Variants in NFIB observed in about 807,000 individuals in gnomAD.
NFIB encodes nuclear factor I B.
In NFIB, 11 loss-of-function variants were observed where a neutral mutation model predicts 61.5. The ratio of observed to expected loss-of-function variants is 0.18; its 90% CI spans 0.11 to 0.30. The LOEUF is 0.30. Ranked by LOEUF, NFIB falls within the 10% of genes least tolerant of loss-of-function variation. NFIB has a pLI of 1.00. For missense variants in NFIB, 471 were observed against 608.9 expected, an observed-to-expected ratio of 0.77 and a Z score of 2.38; for synonymous variants, 260 against 216.5, an observed-to-expected ratio of 1.20 and a Z score of -1.76.
intron 3 of NFIB, among the ~76,000 whole-genome samples, chr9:14,173,147 C>T (rs1324713161): frequency 1.3e-5 from 2 of 152,220 alleles, no homozygotes; most frequent in East Asian, 3.8e-4. Context: ...AAACCCCTCA[C>T]TTTTATCAAG....
intron 2 of NFIB, among the ~76,000 whole-genome samples, chr9:14,261,145 C>A (rs2056714087): frequency 6.6e-6 from 1 of 152,064 alleles, no homozygotes; most frequent in Non-Finnish European, 1.5e-5. Context: ...AGTGAAACCC[C>A]GTCTCTACTA....
intron 3 of NFIB, among the ~76,000 whole-genome samples, chr9:14,161,928 A>G (rs10810099): frequency 0.57 from 86,113 of 152,012 alleles, 27,975 homozygotes; most frequent in Non-Finnish European, 0.73. Flanking sequence ...CCATCTCACA[A>G]TCCTGCTGCC....
intron 1 of NFIB, among the ~76,000 whole-genome samples, chr9:14,340,908 C>A (rs2060941733): frequency 1.3e-5 from 2 of 150,758 alleles, no homozygotes; most frequent in African/African-American, 4.9e-5. Flanking sequence ...GAGGACTGAC[C>A]AGTGTCGGGG....
chr9:14,370,535 T>A lies in NFIB; in HGVS notation c.108+27989A>T, dbSNP rs76068051. Among the ~76,000 whole-genome samples, 1,097 of 152,318 alleles carry A rather than the reference T, an allele frequency of 7.2e-3. 19 individuals carry two copies. Among genetic ancestry groups the A allele is most frequent in the African/African-American group, 0.025 (1,037 of 41,574 alleles). On this transcript the variant is annotated intron_variant, in intron 1 of 8. Coordinates refer to the NFIB transcript ENST00000380934. ...GTCTAGCCCACAGTGTAAATATGTG[T>A]TAAATTTGTGAACATATCTACTTTA... is the stretch of plus-strand genomic sequence containing the variant.
At chr9:14,131,385 T>TAC (rs1165151521) in intron 6 of NFIB, among the ~76,000 whole-genome samples, 4 of 152,230 alleles carry the variant, frequency 2.6e-5, no homozygotes, top group African/African-American at 9.6e-5. Context: ...GTAACATATA[T>TAC]ACATCCTAGG....
intron 10 of NFIB, among the ~76,000 whole-genome samples, chr9:14,094,715 T>C (rs1042552179): frequency 1.3e-5 from 2 of 152,070 alleles, no homozygotes; most frequent in African/African-American, 4.8e-5. Context: ...CATGGAATTA[T>C]TCTAACTGCA....
At chr9:14,109,471 C>T (rs2037033617) in intron 10 of NFIB, among the ~76,000 whole-genome samples, 1 of 151,560 alleles carries the variant, frequency 6.6e-6, no homozygotes, top group Non-Finnish European at 1.5e-5. Context: ...TCAGCAGAGA[C>T]TAATCAGTTC....
At chr9:14,206,634 A>G (rs559090218) in intron 2 of NFIB, among the ~76,000 whole-genome samples, 1 of 144,986 alleles carries the variant, frequency 6.9e-6, no homozygotes, top group Non-Finnish European at 1.5e-5. Context: ...ACCATCTAGT[A>G]CCTGCAAAGA....
At chr9:14,417,618 T>C in the NFIB span, among the ~76,000 whole-genome samples, 1 of 152,166 alleles carries the variant, frequency 6.6e-6, no homozygotes, top group Non-Finnish European at 1.5e-5. Flanking sequence ...GAAGTTTCTT[T>C]GCTGTTGTTG....
At chr9:14,121,576 T>C (rs1248181059) in intron 7 of NFIB, among the ~76,000 whole-genome samples, 1 of 152,206 alleles carries the variant, frequency 6.6e-6, no homozygotes, top group Non-Finnish European at 1.5e-5. Flanking sequence ...GAAACTCTCC[T>C]AATGAAAATG....
Position 14,146,765 on chromosome 9 carries a change from T to C in NFIB, c.849A>G (p.Pro283=). 1 of 1,605,476 alleles carries C rather than the reference T, an allele frequency of 6.2e-7. No homozygotes were observed. The highest frequency in any genetic ancestry group is 2.2e-5 in the East Asian group (1 of 44,778). The change falls in exon 6 of 11, where the codon CCA becomes CCG. Residue 283 remains proline, a synonymous_variant. Coordinates refer to ENST00000380953, the MANE Select transcript of NFIB (RefSeq NM_001190737.2). ...KTISIDENME[P]SPTGDFYPSP... ...AGGGGTAAAAGTCTCCTGTAGGACTTGGTTCCATATTTTCATCTATGGATA... is the reference window on the plus strand; with the variant it reads ...AGGGGTAAAAGTCTCCTGTAGGACTCGGTTCCATATTTTCATCTATGGATA...
At chr9:14,222,046 G>A (rs1427407627) in intron 2 of NFIB, among the ~76,000 whole-genome samples, 1 of 152,186 alleles carries the variant, frequency 6.6e-6, no homozygotes, top group Non-Finnish European at 1.5e-5. Flanking sequence ...TTAGAAGGTA[G>A]CAAGTTGTCC....
At chr9:14,289,178 T>C (rs116012043) in intron 2 of NFIB, among the ~76,000 whole-genome samples, 1,797 of 148,154 alleles carry the variant, frequency 0.012, 42 homozygotes, top group African/African-American at 0.043. Context: ...ATATAATATT[T>C]ACCAAAATAT....
intron 2 of NFIB, among the ~76,000 whole-genome samples, chr9:14,233,461 T>A (rs1452011959): frequency 6.9e-6 from 1 of 144,760 alleles, no homozygotes; most frequent in Non-Finnish European, 1.5e-5. Flanking sequence ...GGAGTCTCAC[T>A]CTGTCGCCCA....
At chr9:14,411,323 G>C in the NFIB span, among the ~76,000 whole-genome samples, 1 of 152,132 alleles carries the variant, frequency 6.6e-6, no homozygotes, top group South Asian at 2.1e-4. Flanking sequence ...ATACAAATCC[G>C]GTACATTTAT....
intron 2 of NFIB, among the ~76,000 whole-genome samples, chr9:14,284,219 G>A (rs2058567446): frequency 1.3e-5 from 2 of 151,982 alleles, no homozygotes; most frequent in Non-Finnish European, 2.9e-5. Flanking sequence ...ATTAATGGGG[G>A]GAATGGGACA....
intron 10 of NFIB, 27 bp downstream of exon 10, chr9:14,112,972 C>T (rs1016333200): frequency 5.2e-6 from 8 of 1,547,234 alleles, no homozygotes; most frequent in South Asian, 2.4e-5. Context: ...GTGGCTACAC[C>T]GTCACACCTG....
chr9:14,495,839 A>G, the NFIB span, among the ~76,000 whole-genome samples: 2 of 152,202 alleles, frequency 1.3e-5, no homozygotes, highest in East Asian at 3.8e-4. Context: ...TTTCTCACAG[A>G]CTATCTTAAA....
chr9:14,398,454 G>A (rs1459599244), intron 1 of NFIB: 2 of 1,149,420 alleles, frequency 1.7e-6, no homozygotes, highest in African/African-American at 3.1e-5. Context: ...CCCACACTGA[G>A]ACACATTGTC....
Sources: gnomAD v4.1 joint callset for allele counts (sites outside exome capture counted in the v4.1 genomes callset) on GRCh38, gnomAD v4.1.1 for gene constraint, MANE v1.5 for transcripts, NCBI Gene and HGNC (gene_info 2026-07-23, HGNC 2026-07-21) for gene names.